Variants in FIGNL2 observed in about 807,000 individuals in gnomAD.
FIGNL2 encodes fidgetin like 2, also known as fidgetin-like protein 2.
For missense variants in FIGNL2, 1,060 were observed against 950.2 expected (o/e 1.12, Z -1.52); for synonymous variants, 565 against 484.0 (o/e 1.17, Z -2.20).
At chr12:51,844,735 A>T in intron 1 of FIGNL2, 2 of 977,356 alleles carry the variant, frequency 2.0e-6, no homozygotes, top group African/African-American at 1.8e-5. Flanking sequence ...AGTGGACCCT[A>T]AAAAAAAAGC....
intron 1 of FIGNL2, among the ~76,000 whole-genome samples, chr12:51,837,349 C>T (rs1048154698): frequency 6.6e-6 from 1 of 152,148 alleles, no homozygotes; most frequent in Non-Finnish European, 1.5e-5. Context: ...ACGCAGGCTC[C>T]CAATGTTTTC....
rs752353147 is a variant in FIGNL2 at position 51,822,172 on chromosome 12, C to T, written c.242G>A (p.Gly81Asp). ...GAGGAAGGAGGCGTCGCTGTACCCG[C>T]CCAGGGCCGGACGCTCGTAGGGAGA... ...LDSPYERPAL[G>D]GYSDASFLNG... is the part of the protein sequence containing the mutation. Residue 81 changes from glycine to aspartate, a missense_variant, in exon 2 of 2, where the codon GGC becomes GAC. Physicochemically the swap from Gly to Asp is moderately conservative, Grantham distance 94 (BLOSUM62 -1). Coordinates refer to ENST00000618634, the MANE Select transcript of FIGNL2 (RefSeq NM_001384995.1). 1.2e-6 allele frequency: 2 copies of T among 1,611,654 alleles called. No homozygotes were observed. Among genetic ancestry groups the T allele is most frequent in the African/African-American group, 2.7e-5 (2 of 74,902 alleles).
At chr12:51,843,737 C>A (rs536982893) in intron 1 of FIGNL2, among the ~76,000 whole-genome samples, 7 of 152,186 alleles carry the variant, frequency 4.6e-5, no homozygotes, top group Admixed American at 2.6e-4. Flanking sequence ...TCTACCTGCC[C>A]ACCCCCTGTC....
intron 1 of FIGNL2, chr12:51,835,397 G>C (rs559780944): frequency 3.5e-4 from 53 of 152,402 alleles, no homozygotes; most frequent in African/African-American, 9.9e-4. Flanking sequence ...TCCCCTTCGA[G>C]GCAGCCCAGC....
chr12:51,835,150 A>C (rs1253477380), intron 1 of FIGNL2, among the ~76,000 whole-genome samples: 9 of 151,438 alleles, frequency 5.9e-5, no homozygotes, highest in Admixed American at 5.3e-4. Context: ...CCCTGGCTCA[A>C]CTCCTGCCCA....
intron 1 of FIGNL2, chr12:51,841,726 G>A (rs957527779): frequency 6.6e-6 from 1 of 152,236 alleles, no homozygotes; most frequent in African/African-American, 2.4e-5. Flanking sequence ...TCTGGTTAGG[G>A]TCTCAGCCAG....
At position 51,820,938 on chromosome 12, in the gene FIGNL2, C is replaced by A. The variant is rs1939163227; in HGVS notation, c.1476G>T (p.Glu492Asp). ...CCCGGGCGGGGAGCAGCGCCTCTAG[C>A]TCGCTGATGAGGAGTACGGAGGGTG... ...CRPPSVLLIS[E>D]LEALLPARDD... The change falls in exon 2 of 2, where the codon GAG (glutamate) becomes GAT (aspartate). Residue 492 changes from glutamate to aspartate, a missense_variant. By Grantham distance (45) the Glu-to-Asp change is conservative (BLOSUM62 2). Coordinates refer to ENST00000618634, the MANE Select transcript of FIGNL2 (RefSeq NM_001384995.1). 1.5e-6 allele frequency: 2 copies of A among 1,307,558 alleles called. No individual in the cohort carries two copies. Among genetic ancestry groups the A allele is most frequent in the Non-Finnish European group, 9.6e-7 (1 of 1,036,416 alleles). The allele number at this position is 1,307,558 out of a possible 1,614,324, so 81.0% of individuals were successfully genotyped here.
intron 1 of FIGNL2, among the ~76,000 whole-genome samples, chr12:51,827,782 A>C (rs1939374542): frequency 6.6e-6 from 1 of 152,214 alleles, no homozygotes. Flanking sequence ...CCATTTCCCC[A>C]AAACCCAAGC....
chr12:51,846,976 C>T, intron 1 of FIGNL2: 1 of 983,068 alleles, frequency 1.0e-6, no homozygotes, highest in South Asian at 4.7e-5. Context: ...AGCCCAGCCA[C>T]CCCAGCAAGC....
intron 1 of FIGNL2, chr12:51,847,459 C>G (rs1280191991): frequency 1.0e-6 from 1 of 985,366 alleles, no homozygotes; most frequent in African/African-American, 1.7e-5. Context: ...AAACATTCTT[C>G]AGTCCTCTAT....
chr12:51,825,808 G>A (rs537467448), intron 1 of FIGNL2: 2 of 151,952 alleles, frequency 1.3e-5, no homozygotes, highest in Admixed American at 1.3e-4. Context: ...AGTAGAGACG[G>A]GGTTTCACCG....
At chr12:51,836,637 G>A (rs1939583264) in intron 1 of FIGNL2, among the ~76,000 whole-genome samples, 1 of 152,132 alleles carries the variant, frequency 6.6e-6, no homozygotes, top group East Asian at 1.9e-4. Flanking sequence ...ACACACCCCA[G>A]TTAGAAATGC....
At chr12:51,835,872 T>C (rs966204600) in intron 1 of FIGNL2, among the ~76,000 whole-genome samples, 2 of 151,800 alleles carry the variant, frequency 1.3e-5, no homozygotes, top group African/African-American at 4.8e-5. Context: ...AGTGGCGTGA[T>C]CTCCGTTTAC....
At chr12:51,845,995 C>G (rs878903401) in intron 1 of FIGNL2, among the ~76,000 whole-genome samples, 3 of 152,094 alleles carry the variant, frequency 2.0e-5, no homozygotes, top group African/African-American at 7.2e-5. Flanking sequence ...AGAGGAGGAG[C>G]CCCACCCAGG....
Position 51,820,281 on chromosome 12 carries a change from G to T in FIGNL2, c.*171C>A. 1 of 857,284 alleles carries T rather than the reference G, an allele frequency of 1.2e-6. No individual in the cohort carries two copies. Among genetic ancestry groups the T allele is most frequent in the Non-Finnish European group, 1.7e-6 (1 of 579,378 alleles). 53.1% of individuals were successfully genotyped at this position (857,284 alleles called of 1,614,324 possible). On this transcript the variant is annotated 3_prime_UTR_variant, in exon 2 of 2. Coordinates refer to ENST00000618634, the MANE Select transcript of FIGNL2 (RefSeq NM_001384995.1). ...CGCATATGGCATCTGCCTGGCAGAA[G>T]CATTTTCCTTCCCACGAAAAAAAAA...
chr12:51,845,737 G>A, intron 1 of FIGNL2: 1 of 903,736 alleles, frequency 1.1e-6, no homozygotes, highest in Non-Finnish European at 1.3e-6. Context: ...GGGGAAGGCA[G>A]GGCTCCTAAG....
rs1233778427 is a variant in FIGNL2 at position 51,848,099 on chromosome 12, G to A, written c.-12+441C>T. On this transcript the variant is annotated intron_variant, in intron 1 of 1. Transcript: ENST00000618634. ...CCACCCCTCCCACACACACACACAGGGGCCGCTGGACAAAGACCTGACGGA... is the reference window on the plus strand; with the variant it reads ...CCACCCCTCCCACACACACACACAGAGGCCGCTGGACAAAGACCTGACGGA... The A allele has an allele frequency of 1.5e-5, 14 of 958,612 alleles. No homozygotes were observed. The Admixed American group carries it at 7.0e-4, about 48-fold the overall frequency. 59.4% of individuals were successfully genotyped at this position (958,612 alleles called of 1,614,324 possible). A position where few individuals can be genotyped will look rare whatever the true frequency, so the allele number is the denominator to read the frequency against.
intron 1 of FIGNL2, among the ~76,000 whole-genome samples, chr12:51,829,908 GAC>G (rs2138984753): frequency 6.6e-6 from 1 of 152,206 alleles, no homozygotes; most frequent in Non-Finnish European, 1.5e-5. Context: ...AGGGTCAAAA[GAC>G]AAAATTTCAG....
At position 51,820,900 on chromosome 12, in the gene FIGNL2, G is replaced by T; in HGVS notation, c.1514C>A (p.Ala505Glu). Residue 505 changes from alanine to glutamate, a missense_variant, in exon 2 of 2, where the codon GCG becomes GAG. By Grantham distance (107) the Ala-to-Glu change is moderately radical (BLOSUM62 -1). Coordinates refer to ENST00000618634, the MANE Select transcript of FIGNL2 (RefSeq NM_001384995.1). ...ALLPARDDGA[A>E]AGGALQVPLL... Reference sequence around the variant, plus strand: ...CGGCACCTGCAGCGCGCCCCCTGCCGCCGCGCCGTCGTCCCGGGCGGGGAG... The same window carrying T: ...CGGCACCTGCAGCGCGCCCCCTGCCTCCGCGCCGTCGTCCCGGGCGGGGAG... 7.5e-7 allele frequency: 1 copy of T among 1,338,530 alleles called. No individual in the cohort carries two copies. 82.9% of individuals were successfully genotyped at this position (1,338,530 alleles called of 1,614,324 possible).
Sources: gnomAD v4.1 joint callset for allele counts (sites outside exome capture counted in the v4.1 genomes callset) on GRCh38, gnomAD v4.1.1 for gene constraint, MANE v1.5 for transcripts, NCBI Gene and HGNC (gene_info 2026-07-23, HGNC 2026-07-21) for gene names.